Variants in MACROD2 observed in about 807,000 individuals in gnomAD.
MACROD2 encodes the protein mono-ADP ribosylhydrolase 2, also known as ADP-ribose glycohydrolase MACROD2.
In MACROD2, 36 loss-of-function variants were observed where a neutral mutation model predicts 70.4. That is an observed-to-expected ratio of 0.51 (90% confidence interval 0.39 to 0.68). The LOEUF (loss-of-function observed/expected upper bound fraction) is 0.68, where lower values mean the gene tolerates loss of function less well. Ranked by LOEUF, MACROD2 falls within the 30% of genes least tolerant of loss-of-function variation. The probability of loss-of-function intolerance (pLI) is 0.00; values close to 1 mark genes in which losing one functional copy is unlikely to be tolerated. For synonymous variants in MACROD2, 172 were observed against 178.8 expected (o/e 0.96, Z 0.30); for missense variants, 496 against 538.4 (o/e 0.92, Z 0.78).
chr20:14,545,516 T>C (rs2123244747), intron 4 of MACROD2, among the ~76,000 whole-genome samples: 1 of 152,326 alleles, frequency 6.6e-6, no homozygotes, highest in Middle Eastern at 3.4e-3. Flanking sequence ...AGTTTAATTA[T>C]GAGATGTGGC....
At chr20:14,398,406 AT>A (rs71190136) in intron 3 of MACROD2, among the ~76,000 whole-genome samples, 43,692 of 142,436 alleles carry the variant, frequency 0.31, 7,090 homozygotes, top group East Asian at 0.6. Context: ...CCTTGCCAGC[AT>A]TTTTTTTTTT....
intron 8 of MACROD2, among the ~76,000 whole-genome samples, chr20:15,686,217 A>G (rs6034260): frequency 0.26 from 39,570 of 152,090 alleles, 6,688 homozygotes; most frequent in African/African-American, 0.49. Context: ...CATTTTTGCT[A>G]CTTAAATAGA....
Position 15,337,015 on chromosome 20 carries a change from C to T in MACROD2, c.541-94390C>T, listed in dbSNP as rs565196051. ...CCTTGTCTTTGACATAGTCTTCTCA[C>T]TTTCTGCATCTTTCTGAAACATCTA... On this transcript the variant is annotated intron_variant, in intron 6 of 17. Transcript: ENST00000684519. Among the ~76,000 whole-genome samples the T allele has an allele frequency of 2.0e-5, 3 of 151,814 alleles. No homozygotes were observed. The South Asian group carries it at 6.2e-4, about 32-fold the overall frequency.
chr20:14,368,381 G>C (rs1460676948), intron 3 of MACROD2, among the ~76,000 whole-genome samples: 1 of 152,008 alleles, frequency 6.6e-6, no homozygotes, highest in East Asian at 1.9e-4. Flanking sequence ...GTCTCTACTA[G>C]AAATACCAAA....
intron 9 of MACROD2, among the ~76,000 whole-genome samples, chr20:15,883,231 C>CT (rs2064780337): frequency 6.6e-6 from 1 of 151,918 alleles, no homozygotes; most frequent in Admixed American, 6.6e-5. Flanking sequence ...TGTAGAGACT[C>CT]TTTTTTATCT....
At chr20:14,776,064 A>T (rs569336165) in intron 5 of MACROD2, among the ~76,000 whole-genome samples, 26 of 152,150 alleles carry the variant, frequency 1.7e-4, no homozygotes, top group Admixed American at 3.3e-4. Flanking sequence ...AAAGAGAAGA[A>T]CCAGATATTG....
intron 15 of MACROD2, among the ~76,000 whole-genome samples, chr20:15,993,679 CA>C (rs1179635949): frequency 2.0e-5 from 3 of 152,154 alleles, no homozygotes; most frequent in Non-Finnish European, 4.4e-5. Flanking sequence ...AATACACACA[CA>C]TTCAGAAACA....
intron 5 of MACROD2, among the ~76,000 whole-genome samples, chr20:14,800,894 T>C (rs921012266): frequency 6.6e-6 from 1 of 151,134 alleles, no homozygotes; most frequent in Non-Finnish European, 1.5e-5. Context: ...ATGGTGGGTT[T>C]GACTAATTTT....
chr20:15,605,463 T>TGG (rs2048880549), intron 8 of MACROD2, among the ~76,000 whole-genome samples: 1 of 150,914 alleles, frequency 6.6e-6, no homozygotes, highest in Non-Finnish European at 1.5e-5. Flanking sequence ...CGTGTGTGTG[T>TGG]GTGTGTGTGT....
At chr20:15,225,988 G>A (rs76724458) in intron 5 of MACROD2, among the ~76,000 whole-genome samples, 13 of 152,292 alleles carry the variant, frequency 8.5e-5, no homozygotes, top group East Asian at 3.9e-4. Context: ...TTTGCACTTC[G>A]CTGTATAATC....
intron 8 of MACROD2, among the ~76,000 whole-genome samples, chr20:15,624,714 C>T (rs1000240946): frequency 1.3e-5 from 2 of 152,210 alleles, no homozygotes; most frequent in African/African-American, 4.8e-5. Flanking sequence ...AAACAACATT[C>T]TCCAAAGCCT....
At chr20:15,107,579 A>G (rs1269284602) in intron 5 of MACROD2, among the ~76,000 whole-genome samples, 1 of 151,568 alleles carries the variant, frequency 6.6e-6, no homozygotes, top group Non-Finnish European at 1.5e-5. Context: ...AAGTGTGATC[A>G]TGACAAAAGT....
intron 5 of MACROD2, among the ~76,000 whole-genome samples, chr20:14,923,152 C>A (rs118031179): frequency 0.011 from 1,640 of 152,302 alleles, 14 homozygotes; most frequent in Non-Finnish European, 0.017. Flanking sequence ...TCCAACCTCG[C>A]TGGCTGTTTC....
At chr20:14,319,690 A>G (rs2082641820) in intron 3 of MACROD2, among the ~76,000 whole-genome samples, 1 of 151,960 alleles carries the variant, frequency 6.6e-6, no homozygotes, top group African/African-American at 2.4e-5. Context: ...CCCTGATAAC[A>G]TTTTTGACAT....
At chr20:15,508,498 C>T (rs931313571) in intron 8 of MACROD2, among the ~76,000 whole-genome samples, 2 of 152,056 alleles carry the variant, frequency 1.3e-5, no homozygotes, top group African/African-American at 4.8e-5. Flanking sequence ...AGAGGCATGG[C>T]CCAAAGATGC....
chr20:14,078,294 C>G (rs757854369), intron 2 of MACROD2, among the ~76,000 whole-genome samples: 1 of 152,168 alleles, frequency 6.6e-6, no homozygotes, highest in African/African-American at 2.4e-5. Flanking sequence ...TATGTCATCT[C>G]CTTTTAAGAG....
At chr20:14,198,204 AAG>A (rs889626093) in intron 3 of MACROD2, among the ~76,000 whole-genome samples, 20 of 151,984 alleles carry the variant, frequency 1.3e-4, no homozygotes, top group African/African-American at 4.1e-4. Context: ...GGGAGAGGAA[AAG>A]AGAGAGAAGA....
chr20:15,804,918 C>G (rs1427385888), intron 8 of MACROD2, among the ~76,000 whole-genome samples: 9 of 152,190 alleles, frequency 5.9e-5, no homozygotes. Flanking sequence ...TGCCTCAGCT[C>G]CCCTGACCAG....
intron 3 of MACROD2, among the ~76,000 whole-genome samples, chr20:14,374,520 A>G (rs1484292766): frequency 1.3e-5 from 2 of 152,192 alleles, no homozygotes; most frequent in African/African-American, 2.4e-5. Flanking sequence ...ACAGCTGAGC[A>G]TATTCGATAT....
Sources: allele counts gnomAD v4.1 joint callset (sites outside exome capture counted in the v4.1 genomes callset), GRCh38; gene constraint gnomAD v4.1.1; transcripts MANE v1.5; gene names NCBI Gene and HGNC (gene_info 2026-07-23, HGNC 2026-07-21).